NCBP3: variants seen among roughly 807,000 people sequenced by gnomAD.
NCBP3 encodes nuclear cap-binding protein subunit 3.
In NCBP3, 20 loss-of-function variants were observed where a neutral mutation model predicts 75.7. The observed-to-expected ratio is 0.26, with a 90% CI of 0.19 to 0.38. The LOEUF (loss-of-function observed/expected upper bound fraction) is 0.38. NCBP3 is among the 10% of genes least tolerant of loss of function. NCBP3 has a pLI of 1.00. For missense variants in NCBP3, 678 were observed against 796.9 expected, an observed-to-expected ratio of 0.85 and a Z score of 1.80; for synonymous variants, 293 against 290.5, an observed-to-expected ratio of 1.01 and a Z score of -0.09.
In NCBP3 at chr17:3,829,306, C is replaced by G. The variant is rs2053838322; in HGVS notation, c.418G>C (p.Asp140His). ...ICGVDEMSTQ[D>H]VFSYFKEYPP... ...TATTCTTTAAAATAGGAAAAGACAT[C>G]TTGGGTGCTCATCTCATCTACTCCG... Residue 140 changes from aspartate (D) to histidine (H), a missense_variant, in exon 4 of 13, where the codon GAT (aspartate) becomes CAT (histidine). Around this residue, in one of 7 missense-constraint regions of NCBP3, gnomAD observed 15 missense variants for 45.5 expected, o/e 0.33. Coordinates refer to ENST00000389005, the MANE Select transcript of NCBP3 (RefSeq NM_001114118.3). The G allele has an allele frequency of 6.4e-7, 1 of 1,551,590 alleles. No individual in the cohort carries two copies.
chr17:3,828,402 G>A (rs1250736199), intron 4 of NCBP3, among the ~76,000 whole-genome samples: 1 of 152,158 alleles, frequency 6.6e-6, no homozygotes, highest in Admixed American at 6.6e-5. Context: ...GCCAATTCCC[G>A]ATTTGGATAG....
At chr17:3,820,409 A>G (rs2053639241) in intron 9 of NCBP3, among the ~76,000 whole-genome samples, 1 of 152,218 alleles carries the variant, frequency 6.6e-6, no homozygotes, top group Non-Finnish European at 1.5e-5. Context: ...GGCATGTAGA[A>G]GATTCCATAG....
At chr17:3,845,949 G>C in intron 1 of NCBP3, 92 bp downstream of exon 1, 5 of 1,392,884 alleles carry the variant, frequency 3.6e-6, no homozygotes, top group Non-Finnish European at 3.9e-6. Context: ...GACTTCCCCG[G>C]CTGGGGCTCC....
intron 3 of NCBP3, among the ~76,000 whole-genome samples, chr17:3,832,403 G>A (rs1299239306): frequency 8.4e-6 from 1 of 119,130 alleles, no homozygotes; most frequent in Non-Finnish European, 2.0e-5. Flanking sequence ...GGAGGCCGGG[G>A]CGGGCAGATC....
Position 3,816,098 on chromosome 17 carries a change from CCA to C in NCBP3, c.1465+16_1465+17del, listed in dbSNP as rs745353548. 2.6e-5 allele frequency: 41 copies of C among 1,603,000 alleles called. No homozygotes were observed. The highest frequency in any genetic ancestry group is 3.4e-5 in the Non-Finnish European group (40 of 1,174,280). ...CGGAGCTCAGAATCCAGCCAGGAAT[CCA>C]AGTGAGGAACAGTACCTGATTTAGT... On this transcript the variant is annotated intron_variant, in intron 11 of 12. Coordinates refer to ENST00000389005, the MANE Select transcript of NCBP3 (RefSeq NM_001114118.3).
At chr17:3,834,347 C>T (rs900170668) in intron 3 of NCBP3, among the ~76,000 whole-genome samples, 5 of 152,196 alleles carry the variant, frequency 3.3e-5, no homozygotes, top group African/African-American at 4.8e-5. Context: ...TTGACAATGA[C>T]GGGGTTTGGA....
At chr17:3,827,140 G>A (rs1173901295) in intron 4 of NCBP3, among the ~76,000 whole-genome samples, 1 of 152,024 alleles carries the variant, frequency 6.6e-6, no homozygotes, top group African/African-American at 2.4e-5. Flanking sequence ...AAAGAAAAGG[G>A]TAGTAAAATC....
chr17:3,822,195 A>ACG, intron 7 of NCBP3, 143 bp from the exon 8 acceptor site: 1 of 622,830 alleles, frequency 1.6e-6, no homozygotes, highest in Non-Finnish European at 2.8e-6. Context: ...CAACATTCAC[A>ACG]CTCTGAGTGC....
chr17:3,825,091 C>A lies in NCBP3; in HGVS notation c.688-41G>T, dbSNP rs947982093. 12 of 1,157,492 alleles carry A rather than the reference C, an allele frequency of 1.0e-5. No individual in the cohort carries two copies. The Admixed American group carries it at 1.3e-4, about 12-fold the overall frequency. 71.7% of individuals were successfully genotyped at this position (1,157,492 alleles called of 1,614,324 possible). ...TATTTTTAATATAAAAATTAAAGTC[C>A]TTTTGATATTTCTTCAGTAGTAAAG... On this transcript the variant is annotated intron_variant, in intron 6 of 12. Coordinates refer to ENST00000389005, the MANE Select transcript of NCBP3 (RefSeq NM_001114118.3).
intron 2 of NCBP3, among the ~76,000 whole-genome samples, chr17:3,840,454 A>G (rs908898604): frequency 6.6e-5 from 10 of 152,226 alleles, no homozygotes; most frequent in African/African-American, 2.2e-4. Context: ...CATAGTAGGA[A>G]CTCAGTGAGT....
rs1293396319 is a variant in NCBP3, at chr17:3,810,134, T to C, written c.*2910A>G. On this transcript the variant is annotated 3_prime_UTR_variant, in exon 13 of 13. Coordinates refer to ENST00000389005, the MANE Select transcript of NCBP3 (RefSeq NM_001114118.3). The stretch of plus-strand genomic sequence containing the variant: ...AAGCCACTCAAGTGTACACTTTAAA[T>C]GGCTGAACTGTATGCAAATTACATC... 3 of 152,254 alleles carry C rather than the reference T, an allele frequency of 2.0e-5. No homozygotes were observed. The East Asian group carries it at 5.8e-4, about 29-fold the overall frequency. 9.4% of individuals were successfully genotyped at this position (152,254 alleles called of 1,614,324 possible). A position where few individuals can be genotyped will look rare whatever the true frequency, so the allele number is the denominator to read the frequency against.
At chr17:3,830,819 G>A (rs532581677) in intron 3 of NCBP3, among the ~76,000 whole-genome samples, 5 of 151,930 alleles carry the variant, frequency 3.3e-5, no homozygotes, top group Admixed American at 6.6e-5. Flanking sequence ...CCTTGCCCTC[G>A]TGATCCACCC....
chr17:3,818,322 C>T lies in NCBP3; in HGVS notation c.1251G>A (p.Lys417=). Residue 417 remains lysine (K), a synonymous_variant, in exon 10 of 13, where the codon AAG becomes AAA. Transcript: ENST00000389005. This position sits in a 1 kb window ranked among gnomAD's most constrained non-coding sequence, Gnocchi z 4.7. Reference sequence around the variant, plus strand: ...CATACATAGTCATTTTCATGCTTTTCTTTGGTGAAGGCGTGGAAATCATTT... The same window carrying T: ...CATACATAGTCATTTTCATGCTTTTTTTTGGTGAAGGCGTGGAAATCATTT... ...ELKMISTPSP[K]KSMKMTMYAD... is the part of the protein sequence containing the mutation. The T allele has an allele frequency of 6.2e-7, 1 of 1,613,910 alleles. No homozygotes were observed. The highest frequency in any genetic ancestry group is 8.5e-7 in the Non-Finnish European group (1 of 1,179,940).
intron 10 of NCBP3, 29 bp from the exon 11 acceptor site, chr17:3,816,299 G>C: frequency 6.3e-7 from 1 of 1,595,512 alleles, no homozygotes; most frequent in Non-Finnish European, 8.5e-7. Flanking sequence ...ATGGGGCACA[G>C]TTAACCAACT....
At chr17:3,841,832 C>CAAA (rs35136635) in intron 2 of NCBP3, among the ~76,000 whole-genome samples, 6 of 113,924 alleles carry the variant, frequency 5.3e-5, no homozygotes, top group Admixed American at 9.9e-5. Context: ...GACTCTGTCT[C>CAAA]AAAAAAAAAA....
chr17:3,813,154 T>C lies in NCBP3; in HGVS notation c.1753A>G (p.Ile585Val). 1 of 1,614,248 alleles carries C rather than the reference T, an allele frequency of 6.2e-7. No homozygotes were observed. Among genetic ancestry groups the C allele is most frequent in the Non-Finnish European group, 8.5e-7 (1 of 1,180,038 alleles). ...SELQRAWGALIKEKEQSRQKK... is the reference protein window; with the variant it reads ...SELQRAWGALVKEKEQSRQKK... ...TGGCGAGACTGCTCTTTCTCCTTAA[T>C]CAGAGCCCCCCATGCCCTTTGCAGC... Residue 585 changes from isoleucine to valine, a missense_variant, in exon 13 of 13, where the codon ATT (isoleucine) becomes GTT (valine). Ile to Val is a conservative substitution (Grantham distance 29). This residue lies in a region of NCBP3 where 365 missense variants were observed against 392.7 expected (regional missense o/e 0.93). Coordinates refer to ENST00000389005, the MANE Select transcript of NCBP3 (RefSeq NM_001114118.3).
intron 10 of NCBP3, among the ~76,000 whole-genome samples, chr17:3,817,150 G>C (rs1474750015): frequency 6.6e-6 from 1 of 152,080 alleles, no homozygotes; most frequent in African/African-American, 2.4e-5. Flanking sequence ...CTAACCCTTA[G>C]AACTGTGGAT....
rs185450030 is a variant in NCBP3, at chr17:3,840,368, G to A, written c.250-163C>T. ...AGAGACCTGGATATTCACACTCAAT[G>A]ACTGGGGGGATATGTTAATATCGCT... On this transcript the variant is annotated intron_variant, in intron 2 of 12. Coordinates refer to ENST00000389005, the MANE Select transcript of NCBP3 (RefSeq NM_001114118.3). Among the ~76,000 whole-genome samples the A allele has an allele frequency of 1.9e-3, 293 of 152,260 alleles. 1 individual carries two copies. The highest frequency in any genetic ancestry group is 6.6e-3 in the African/African-American group (273 of 41,538).
chr17:3,821,277 G>A lies in NCBP3; in HGVS notation c.972C>T (p.Gly324=), dbSNP rs2053658645. Residue 324 remains glycine, a synonymous_variant, in exon 9 of 13, where the codon GGC becomes GGT. Coordinates refer to ENST00000389005, the MANE Select transcript of NCBP3 (RefSeq NM_001114118.3). The part of the protein sequence containing the change: ...KKRALIGDDV[G]LTSYKHRHSG... ...AATGTCGATGTTTATACGACGTCAA[G>A]CCAACGTCATCCCCAATCAGGGCTC... is the stretch of plus-strand genomic sequence containing the variant. The A allele has an allele frequency of 1.2e-6, 2 of 1,613,822 alleles. No individual in the cohort carries two copies. The highest frequency in any genetic ancestry group is 1.7e-6 in the Non-Finnish European group (2 of 1,179,834).
Sources: allele counts gnomAD v4.1 joint callset (sites outside exome capture counted in the v4.1 genomes callset), GRCh38; gene constraint gnomAD v4.1.1; regional missense constraint gnomAD v4.1.1; non-coding constraint Gnocchi (gnomAD v3.1); transcripts MANE v1.5; gene names NCBI Gene and HGNC (gene_info 2026-07-23, HGNC 2026-07-21).